The following SLC25A12 variants were observed in gnomAD, a reference collection of about 807,000 sequenced individuals.
SLC25A12 encodes solute carrier family 25 member 12, also known as electrogenic aspartate/glutamate antiporter SLC25A12, mitochondrial.
A neutral mutation model predicts 83.3 loss-of-function variants in SLC25A12; 32 were observed. The observed-to-expected ratio is 0.38, with a 90% CI of 0.29 to 0.52. The LOEUF is 0.52. Among genes scored for constraint, SLC25A12 ranks in the 20% least tolerant of loss-of-function variants. The probability of loss-of-function intolerance (pLI) is 0.84; values close to 1 mark genes in which losing one functional copy is unlikely to be tolerated. For missense variants in SLC25A12, 611 were observed against 835.6 expected, an observed-to-expected ratio of 0.73 and a Z score of 3.31; for synonymous variants, 267 against 291.1, an observed-to-expected ratio of 0.92 and a Z score of 0.84.
At chr2:171,837,374 C>G in intron 5 of SLC25A12, 107 bp from the exon 6 acceptor site, 2 of 1,144,332 alleles carry the variant, frequency 1.7e-6, no homozygotes, top group Admixed American at 3.5e-5. Flanking sequence ...GTACTTACTA[C>G]AAAACAAACA....
At chr2:171,816,142 C>T (rs1176158259) in intron 9 of SLC25A12, among the ~76,000 whole-genome samples, 5 of 150,160 alleles carry the variant, frequency 3.3e-5, no homozygotes, top group Non-Finnish European at 7.4e-5. Context: ...CATGGCTCAC[C>T]GCAGCCTCAA....
At chr2:171,803,832 C>T (rs562751847) in intron 13 of SLC25A12, among the ~76,000 whole-genome samples, 102 of 125,674 alleles carry the variant, frequency 8.1e-4, no homozygotes, top group Middle Eastern at 3.8e-3. Flanking sequence ...CACACACACA[C>T]GCGCGCACAC....
intron 3 of SLC25A12, among the ~76,000 whole-genome samples, chr2:171,864,193 T>A (rs906338821): frequency 3.3e-5 from 5 of 152,194 alleles, no homozygotes; most frequent in Admixed American, 6.5e-5. Flanking sequence ...ACTTACTGCC[T>A]AGTTTCTCAA....
chr2:171,829,390 G>A lies in SLC25A12; in HGVS notation c.846-2508C>T, dbSNP rs146958668. Among the ~76,000 whole-genome samples, 17 of 152,168 alleles carry A rather than the reference G, an allele frequency of 1.1e-4. No homozygotes were observed. The East Asian group carries it at 1.6e-3, about 14-fold the overall frequency. ...AAAGGGCAGGTTCTAAGGCAGAACC[G>A]GATATTGTGGATGACCTCCTTTTTG... On this transcript the variant is annotated intron_variant, in intron 8 of 17. Coordinates refer to ENST00000422440, the MANE Select transcript of SLC25A12 (RefSeq NM_003705.5).
At chr2:171,837,292 A>G (rs749759603) in intron 5 of SLC25A12, 25 bp from the exon 6 acceptor site, 2 of 1,613,608 alleles carry the variant, frequency 1.2e-6, no homozygotes, top group East Asian at 2.2e-5. Flanking sequence ...GAAATAGGGC[A>G]TTAAGCTGGT....
chr2:171,887,033 C>T (rs781215602), intron 2 of SLC25A12, among the ~76,000 whole-genome samples: 4 of 152,180 alleles, frequency 2.6e-5, no homozygotes, highest in Non-Finnish European at 4.4e-5. Context: ...GGAAACACAG[C>T]CCTAATGTAT....
intron 3 of SLC25A12, among the ~76,000 whole-genome samples, chr2:171,857,830 G>T (rs1003917469): frequency 2.0e-5 from 3 of 151,384 alleles, no homozygotes; most frequent in African/African-American, 7.3e-5. Context: ...GTTCAAGGCT[G>T]TAGTATGCAA....
chr2:171,787,502 T>C (rs1399610540), intron 17 of SLC25A12, 69 bp downstream of exon 17: 1 of 1,223,090 alleles, frequency 8.2e-7, no homozygotes, highest in African/African-American at 1.5e-5. Context: ...ACAATGCTTT[T>C]GTAGACAGAA....
chr2:171,856,343 A>G (rs145643310), intron 3 of SLC25A12, among the ~76,000 whole-genome samples: 1 of 152,246 alleles, frequency 6.6e-6, no homozygotes, highest in Non-Finnish European at 1.5e-5. Flanking sequence ...CCTGGCCTCT[A>G]CCCACTAGAT....
chr2:171,816,027 TTA>T (rs1214300128), intron 9 of SLC25A12, among the ~76,000 whole-genome samples: 1 of 151,722 alleles, frequency 6.6e-6, no homozygotes, highest in Non-Finnish European at 1.5e-5. Context: ...CTAAGTAATT[TTA>T]TATTTCACTT....
intron 8 of SLC25A12, among the ~76,000 whole-genome samples, chr2:171,832,384 A>G (rs916169886): frequency 2.6e-5 from 4 of 152,132 alleles, no homozygotes; most frequent in African/African-American, 9.7e-5. Context: ...GACCTTAATC[A>G]CTTGGGAAAA....
At chr2:171,874,231 A>AAAT (rs1172227859) in intron 2 of SLC25A12, among the ~76,000 whole-genome samples, 2 of 151,586 alleles carry the variant, frequency 1.3e-5, no homozygotes, top group Non-Finnish European at 2.9e-5. Flanking sequence ...TGTCTCAAAA[A>AAAT]AATAATAATA....
chr2:171,788,423 T>A (rs1436155870), intron 15 of SLC25A12: 2 of 181,854 alleles, frequency 1.1e-5, no homozygotes, highest in East Asian at 3.2e-4. Context: ...TCAATACTTA[T>A]AATCACTCGC....
intron 9 of SLC25A12, among the ~76,000 whole-genome samples, chr2:171,824,524 A>G (rs1454173781): frequency 6.6e-6 from 1 of 152,252 alleles, no homozygotes; most frequent in Non-Finnish European, 1.5e-5. Flanking sequence ...AGGGAGAGCT[A>G]TATCAATAGA....
At chr2:171,837,405 A>C (rs1684582478) in intron 5 of SLC25A12, 138 bp from the exon 6 acceptor site, 1 of 902,748 alleles carries the variant, frequency 1.1e-6, no homozygotes. Flanking sequence ...CTGAATTTGC[A>C]ACAAAACTTT....
chr2:171,840,882 T>C (rs1429494808), intron 5 of SLC25A12, among the ~76,000 whole-genome samples: 2 of 151,520 alleles, frequency 1.3e-5, no homozygotes, highest in Non-Finnish European at 2.9e-5. Context: ...AAAGAAAAAA[T>C]ATTAAAACAC....
intron 8 of SLC25A12, among the ~76,000 whole-genome samples, chr2:171,828,060 G>T (rs1182797915): frequency 1.3e-5 from 2 of 152,182 alleles, no homozygotes; most frequent in African/African-American, 4.8e-5. Context: ...AGACTGAAAG[G>T]TATCCATGTG....
chr2:171,891,295 T>C (rs747519395), intron 2 of SLC25A12, among the ~76,000 whole-genome samples: 13 of 149,214 alleles, frequency 8.7e-5, no homozygotes, highest in Non-Finnish European at 1.8e-4. Context: ...CGAGACTCCA[T>C]CTCAAAAAAA....
intron 13 of SLC25A12, among the ~76,000 whole-genome samples, chr2:171,804,675 G>A (rs1254533079): frequency 6.6e-6 from 1 of 152,224 alleles, no homozygotes; most frequent in Non-Finnish European, 1.5e-5. Flanking sequence ...ACTTTGGGAG[G>A]AGGAGGCAGA....
Sources: gnomAD v4.1 joint callset for allele counts (sites outside exome capture counted in the v4.1 genomes callset) on GRCh38, gnomAD v4.1.1 for gene constraint, MANE v1.5 for transcripts, NCBI Gene and HGNC (gene_info 2026-07-23, HGNC 2026-07-21) for gene names.